The following SUCLA2 variants were observed in gnomAD, a reference collection of about 807,000 sequenced individuals.
SUCLA2 encodes the protein succinate--CoA ligase [ADP-forming] subunit beta, mitochondrial.
SUCLA2 carries 30 observed loss-of-function variants against 54.8 expected under a neutral mutation model. That is an observed-to-expected ratio of 0.55 (90% confidence interval 0.41 to 0.74). SUCLA2 has a LOEUF of 0.74. Ranked by LOEUF, SUCLA2 falls within the 30% of genes least tolerant of loss-of-function variation. SUCLA2 has a pLI of 0.00. For synonymous variants in SUCLA2, 172 were observed against 188.9 expected, an observed-to-expected ratio of 0.91 and a Z score of 0.74; for missense variants, 476 against 562.9, an observed-to-expected ratio of 0.85 and a Z score of 1.56.
Position 47,943,071 on chromosome 13 carries a change from TGAA to T in SUCLA2, c.*297_*299del, listed in dbSNP as rs886050259. On this transcript the variant is annotated 3_prime_UTR_variant, in exon 11 of 11. Coordinates refer to ENST00000646932, the MANE Select transcript of SUCLA2 (RefSeq NM_003850.3). ...ATCTTATTTATAGGACTCTTATCAA[TGAA>T]GAACTTTGTATCCAACAATAATAAA... is the stretch of plus-strand genomic sequence containing the variant. 1.6e-5 allele frequency: 6 copies of T among 370,190 alleles called. No individual in the cohort carries two copies. The highest frequency in any genetic ancestry group is 3.0e-5 in the Non-Finnish European group (6 of 198,978). The allele number at this position is 370,190 out of a possible 1,614,324, so 22.9% of individuals were successfully genotyped here. A position where few individuals can be genotyped will look rare whatever the true frequency, so the allele number is the denominator to read the frequency against.
At chr13:47,955,340 T>A (rs796277422) in intron 6 of SUCLA2, among the ~76,000 whole-genome samples, 1 of 152,166 alleles carries the variant, frequency 6.6e-6, no homozygotes, top group East Asian at 1.9e-4. Context: ...TAGCTGGGAA[T>A]ACAGGCATGC....
At chr13:47,979,230 G>T (rs1260073068) in intron 4 of SUCLA2, among the ~76,000 whole-genome samples, 2 of 152,120 alleles carry the variant, frequency 1.3e-5, no homozygotes, top group Non-Finnish European at 2.9e-5. Flanking sequence ...CAAAGACTTG[G>T]AATCAACCCA....
chr13:47,973,167 T>G (rs1459814418), intron 5 of SUCLA2, 97 bp downstream of exon 5: 15 of 1,091,460 alleles, frequency 1.4e-5, no homozygotes, highest in Non-Finnish European at 1.9e-5. Context: ...CTCAAAATGT[T>G]TAAATAAGTT....
intron 4 of SUCLA2, among the ~76,000 whole-genome samples, chr13:47,981,068 A>G (rs1304248690): frequency 6.6e-6 from 1 of 152,236 alleles, no homozygotes. Flanking sequence ...TACCAAAGGC[A>G]CAGGCAGAAA....
chr13:47,979,889 C>T (rs551439675), intron 4 of SUCLA2, among the ~76,000 whole-genome samples: 1 of 152,170 alleles, frequency 6.6e-6, no homozygotes, highest in South Asian at 2.1e-4. Context: ...AGATTCTGCA[C>T]ACACACAAAA....
At chr13:47,945,249 T>TA (rs35349385) in intron 10 of SUCLA2, among the ~76,000 whole-genome samples, 51 of 85,176 alleles carry the variant, frequency 6.0e-4, no homozygotes, top group African/African-American at 1.2e-3. Flanking sequence ...AACTCTGTCT[T>TA]AAAAAAAAAA....
chr13:48,001,233 C>A lies in SUCLA2; in HGVS notation c.37G>T (p.Val13Leu), dbSNP rs35201084. ...ASMFYGRLVA[V>L]ATLRNHRPRT... ...GGCCGGTGGTTCCGAAGGGTGGCCA[C>A]GGCCACTAGCCTGCCGTAGAACATG... The change falls in exon 1 of 11, where the codon GTG (valine) becomes TTG (leucine). Residue 13 changes from valine to leucine, a missense_variant. Coordinates refer to ENST00000646932, the MANE Select transcript of SUCLA2 (RefSeq NM_003850.3). 1.9e-6 allele frequency: 3 copies of A among 1,605,640 alleles called. No individual in the cohort carries two copies. The African/African-American group carries it at 4.0e-5, about 21-fold the overall frequency.
At chr13:47,989,035 T>A in intron 2 of SUCLA2, 54 bp from the exon 3 acceptor site, 1 of 1,522,986 alleles carries the variant, frequency 6.6e-7, no homozygotes, top group South Asian at 1.1e-5. Context: ...ATGCCAGACA[T>A]AGTATTTTGT....
chr13:47,948,244 T>C (rs1364397794), intron 10 of SUCLA2, among the ~76,000 whole-genome samples: 1 of 152,208 alleles, frequency 6.6e-6, no homozygotes, highest in Non-Finnish European at 1.5e-5. Context: ...TTGTTTAAGA[T>C]GATCACAGAT....
At chr13:47,991,555 C>G (rs1950149045) in intron 2 of SUCLA2, 1 of 152,316 alleles carries the variant, frequency 6.6e-6, no homozygotes, top group Non-Finnish European at 1.5e-5. Flanking sequence ...ATATGTAATT[C>G]TCTTACATAT....
intron 5 of SUCLA2, among the ~76,000 whole-genome samples, chr13:47,969,820 G>C (rs1949948135): frequency 6.6e-6 from 1 of 152,130 alleles, no homozygotes; most frequent in Non-Finnish European, 1.5e-5. Context: ...AAACAATGTA[G>C]GCTGGGCGCA....
intron 5 of SUCLA2, among the ~76,000 whole-genome samples, chr13:47,969,974 T>C (rs1211257891): frequency 6.6e-6 from 1 of 151,750 alleles, no homozygotes; most frequent in Admixed American, 6.6e-5. Flanking sequence ...TGGTGACGCA[T>C]GCCTGTAATC....
In SUCLA2 at chr13:47,980,577, T is replaced by C. The variant is rs140284794; in HGVS notation, c.535-7185A>G. ...TATCAAAATCCCAATGGCTTTTTTTTATAAAAATAGAAAAATACACTAAAA... is the reference window on the plus strand; with the variant it reads ...TATCAAAATCCCAATGGCTTTTTTTCATAAAAATAGAAAAATACACTAAAA... On this transcript the variant is annotated intron_variant, in intron 4 of 10. Coordinates refer to ENST00000646932, the MANE Select transcript of SUCLA2 (RefSeq NM_003850.3). Among the ~76,000 whole-genome samples, 10 of 152,016 alleles carry C rather than the reference T, an allele frequency of 6.6e-5. No individual in the cohort carries two copies. In the South Asian group the frequency reaches 1.2e-3, roughly 19 times the overall value.
In SUCLA2 at chr13:47,943,283, A is replaced by AAAAAG; in HGVS notation, c.*83_*87dup. On this transcript the variant is annotated 3_prime_UTR_variant, in exon 11 of 11. Transcript: ENST00000646932. ...ATGGCAATTACAATCTCCACACACT[A>AAAAAG]AAAAGAAAAAGAACAATAACACAGA... is the stretch of plus-strand genomic sequence containing the variant. 1 of 1,358,828 alleles carries AAAAAG rather than the reference A, an allele frequency of 7.4e-7. No individual in the cohort carries two copies. Among genetic ancestry groups the AAAAAG allele is most frequent in the Non-Finnish European group, 1.1e-6 (1 of 950,246 alleles). The allele number at this position is 1,358,828 out of a possible 1,614,324, so 84.2% of individuals were successfully genotyped here.
At chr13:47,987,388 G>GA (rs1385916755) in intron 4 of SUCLA2, among the ~76,000 whole-genome samples, 1 of 151,956 alleles carries the variant, frequency 6.6e-6, no homozygotes, top group Non-Finnish European at 1.5e-5. Context: ...TCAATGAAAA[G>GA]AAAAATAAAA....
At chr13:47,943,972 A>G (rs1037357493) in intron 10 of SUCLA2, among the ~76,000 whole-genome samples, 3 of 152,050 alleles carry the variant, frequency 2.0e-5, no homozygotes, top group Admixed American at 1.3e-4. Context: ...TGCTAACCTG[A>G]GTTCCAATTC....
At position 47,964,213 on chromosome 13, in the gene SUCLA2, ATATAT is replaced by A. The variant is rs572273144; in HGVS notation, c.802+4377_802+4381del. On this transcript the variant is annotated intron_variant, in intron 6 of 10. Transcript: ENST00000646932. ...GTAAAAAGGTCAACCTTAAAAGGTT[ATATAT>A]TATATGATTGCATTTATATAACATT... 3.3e-3 allele frequency among the ~76,000 whole-genome samples: 496 copies of A among 152,312 alleles called. 5 individuals are homozygous for A. Among genetic ancestry groups the A allele is most frequent in the African/African-American group, 0.011 (472 of 41,578 alleles).
intron 1 of SUCLA2, among the ~76,000 whole-genome samples, chr13:48,000,100 C>T (rs548239936): frequency 1.3e-5 from 2 of 150,880 alleles, no homozygotes; most frequent in South Asian, 2.1e-4. Flanking sequence ...GAACTCACTA[C>T]CCCTAGGCTG....
intron 6 of SUCLA2, among the ~76,000 whole-genome samples, chr13:47,966,025 G>A (rs1949915648): frequency 6.6e-6 from 1 of 152,200 alleles, no homozygotes; most frequent in Admixed American, 6.5e-5. Context: ...TCCAGCCTGG[G>A]CGACAGAGCA....
Sources: allele counts gnomAD v4.1 joint callset (sites outside exome capture counted in the v4.1 genomes callset), GRCh38; gene constraint gnomAD v4.1.1; transcripts MANE v1.5; gene names NCBI Gene and HGNC (gene_info 2026-07-23, HGNC 2026-07-21).